KCNK2: variants seen among roughly 807,000 people sequenced by gnomAD.
KCNK2 encodes potassium channel subfamily K member 2.
In KCNK2, 21 loss-of-function variants were observed where a neutral mutation model predicts 40.5. That is an observed-to-expected ratio of 0.52 (90% CI 0.37 to 0.75). The LOEUF is 0.75. KCNK2 is among the 30% of genes least tolerant of loss of function. The pLI is 0.00. For missense variants in KCNK2, 399 were observed against 531.6 expected (o/e 0.75, Z 2.45); for synonymous variants, 191 against 202.2 (o/e 0.94, Z 0.47).
At chr1:215,027,469 T>C (rs1657039021) in intron 1 of KCNK2, among the ~76,000 whole-genome samples, 1 of 152,208 alleles carries the variant, frequency 6.6e-6, no homozygotes. Flanking sequence ...CAAATGTCCC[T>C]CCAACATCTA....
chr1:215,089,105 T>C (rs554123341), intron 2 of KCNK2, among the ~76,000 whole-genome samples: 19 of 152,298 alleles, frequency 1.2e-4, no homozygotes, highest in African/African-American at 4.6e-4. Flanking sequence ...GAATTACACT[T>C]CCTTCATATG....
At chr1:215,115,048 A>G (rs1033091730) in intron 2 of KCNK2, among the ~76,000 whole-genome samples, 4 of 151,450 alleles carry the variant, frequency 2.6e-5, no homozygotes, top group African/African-American at 7.3e-5. Flanking sequence ...GAGATTTTCA[A>G]TCATCACTAT....
At chr1:215,086,752 GC>G in intron 2 of KCNK2, 74 bp downstream of exon 2, 1 of 1,378,278 alleles carries the variant, frequency 7.3e-7, no homozygotes, top group Non-Finnish European at 1.0e-6. Flanking sequence ...ACAACTTGTA[GC>G]CCAGTGTATT....
intron 3 of KCNK2, among the ~76,000 whole-genome samples, chr1:215,133,286 T>G (rs1475813409): frequency 2.0e-5 from 3 of 152,232 alleles, no homozygotes; most frequent in Non-Finnish European, 4.4e-5. Context: ...TTAAATGTTG[T>G]GATCTTGAAA....
intron 6 of KCNK2, among the ~76,000 whole-genome samples, chr1:215,200,455 A>T (rs1364692007): frequency 6.6e-6 from 1 of 152,178 alleles, no homozygotes; most frequent in African/African-American, 2.4e-5. Flanking sequence ...GCAGTAGATC[A>T]CTTTATCATT....
intron 1 of KCNK2, among the ~76,000 whole-genome samples, chr1:215,038,761 G>T (rs903109196): frequency 1.3e-5 from 2 of 151,878 alleles, no homozygotes; most frequent in Non-Finnish European, 2.9e-5. Flanking sequence ...CTCTCAATTC[G>T]ATCCTTCTTT....
chr1:215,227,451 G>T (rs1040676668), intron 6 of KCNK2, among the ~76,000 whole-genome samples: 28 of 152,142 alleles, frequency 1.8e-4, no homozygotes, highest in African/African-American at 6.5e-4. Flanking sequence ...GGAAATAAAA[G>T]AAACGTTCAG....
At chr1:215,024,339 A>G (rs1456594775) in intron 1 of KCNK2, among the ~76,000 whole-genome samples, 5 of 152,180 alleles carry the variant, frequency 3.3e-5, no homozygotes, top group Non-Finnish European at 7.3e-5. Context: ...CTGCATCCAT[A>G]TCAGACTCTC....
chr1:215,215,065 T>TG (rs1397190071), intron 6 of KCNK2, among the ~76,000 whole-genome samples: 1 of 152,158 alleles, frequency 6.6e-6, no homozygotes, highest in Non-Finnish European at 1.5e-5. Context: ...GAGAGAAACC[T>TG]GGGAATAGTT....
chr1:215,195,312 G>A (rs1301865995), intron 6 of KCNK2, among the ~76,000 whole-genome samples: 22 of 151,480 alleles, frequency 1.5e-4, no homozygotes, highest in Admixed American at 1.4e-3. Context: ...CAGAACTGAG[G>A]GTAATTTCTA....
At chr1:215,201,039 AT>A (rs1270134259) in intron 6 of KCNK2, among the ~76,000 whole-genome samples, 1 of 152,218 alleles carries the variant, frequency 6.6e-6, no homozygotes, top group African/African-American at 2.4e-5. Flanking sequence ...ATATAGACGA[AT>A]TCACCTAATG....
chr1:215,083,051 T>A lies in KCNK2; in HGVS notation c.-335T>A. 5.5e-6 allele frequency: 1 copy of A among 182,742 alleles called. No homozygotes were observed. Among genetic ancestry groups the A allele is most frequent in the Non-Finnish European group, 1.1e-5 (1 of 91,380 alleles). The allele number at this position is 182,742 out of a possible 1,614,324, so 11.3% of individuals were successfully genotyped here. ...GCGGCGGGCAGGCGCGGGACCCGGG[T>A]CGCCCGCGCTCTCCGGGTGACCCGG... On this transcript the variant is annotated 5_prime_UTR_variant, in exon 1 of 7. Coordinates refer to ENST00000444842, the MANE Select transcript of KCNK2 (RefSeq NM_001017425.3).
rs566476827 is a variant in KCNK2 at position 215,234,957 on chromosome 1, C to T, written c.1093C>T (p.Leu365Phe). The change falls in exon 7 of 7, where the codon CTC becomes TTC. Residue 365 changes from leucine to phenylalanine, a missense_variant. Transcript: ENST00000444842. Reference protein sequence around the residue: ...FQRATSIKRKLSAELAGNHNQ... With the variant: ...FQRATSIKRKFSAELAGNHNQ... ...GCGGGCCACCTCCATCAAGCGGAAG[C>T]TCTCGGCAGAACTGGCTGGAAACCA... The T allele has an allele frequency of 6.2e-7, 1 of 1,614,064 alleles. No homozygotes were observed. The highest frequency in any genetic ancestry group is 1.1e-5 in the South Asian group (1 of 91,072).
At chr1:215,143,735 T>G (rs1218238160) in intron 3 of KCNK2, among the ~76,000 whole-genome samples, 1 of 152,128 alleles carries the variant, frequency 6.6e-6, no homozygotes, top group African/African-American at 2.4e-5. Flanking sequence ...GAGCCAGACC[T>G]GTATTGAATT....
rs184546642 is a variant in KCNK2 at position 215,196,827 on chromosome 1, C to G, written c.963+1735C>G. On this transcript the variant is annotated intron_variant, in intron 6 of 6. Transcript: ENST00000444842. ...TGTAGCTAGGGAATGTTTTGGACAACATAGCTAAAAAGAGAACTACTCAAA... is the reference window on the plus strand; with the variant it reads ...TGTAGCTAGGGAATGTTTTGGACAAGATAGCTAAAAAGAGAACTACTCAAA... Among the ~76,000 whole-genome samples, 57 of 152,076 alleles carry G rather than the reference C, an allele frequency of 3.7e-4. 1 individual carries two copies. The highest frequency in any genetic ancestry group is 3.4e-3 in the Admixed American group (52 of 15,274).
At chr1:215,130,850 T>A (rs563786191) in intron 3 of KCNK2, among the ~76,000 whole-genome samples, 229 of 146,586 alleles carry the variant, frequency 1.6e-3, no homozygotes, top group Middle Eastern at 0.01. Flanking sequence ...AAGTTTTTTT[T>A]ATTTTTATTT....
chr1:215,113,767 T>C lies in KCNK2; in HGVS notation c.358-10866T>C, dbSNP rs116263529. The stretch of plus-strand genomic sequence containing the variant: ...TGCAACACCACGCCCAGATAACTTT[T>C]GTATTTTTAGTAAAGATGGGGTTTT... On this transcript the variant is annotated intron_variant, in intron 2 of 6. Coordinates refer to ENST00000444842, the MANE Select transcript of KCNK2 (RefSeq NM_001017425.3). 4.5e-3 allele frequency among the ~76,000 whole-genome samples: 689 copies of C among 152,274 alleles called. 3 individuals carry two copies. Among genetic ancestry groups the C allele is most frequent in the Middle Eastern group, 0.024 (7 of 294 alleles).
At chr1:215,145,105 C>T (rs1662357664) in intron 3 of KCNK2, among the ~76,000 whole-genome samples, 1 of 152,126 alleles carries the variant, frequency 6.6e-6, no homozygotes, top group African/African-American at 2.4e-5. Context: ...TCATCATTAG[C>T]ATCATCATCA....
chr1:215,227,067 C>T (rs559362352), intron 6 of KCNK2, among the ~76,000 whole-genome samples: 2 of 152,272 alleles, frequency 1.3e-5, no homozygotes, highest in African/African-American at 4.8e-5. Flanking sequence ...TTCATTTGTC[C>T]TTTATTCACT....
Sources: allele counts gnomAD v4.1 joint callset (sites outside exome capture counted in the v4.1 genomes callset), GRCh38; gene constraint gnomAD v4.1.1; transcripts MANE v1.5; gene names NCBI Gene and HGNC (gene_info 2026-07-23, HGNC 2026-07-21).